Variants in TRIM23 observed in about 807,000 individuals in gnomAD.
TRIM23 encodes the protein E3 ubiquitin-protein ligase TRIM23.
A neutral mutation model predicts 71.0 loss-of-function variants in TRIM23; 27 were observed. The observed-to-expected ratio is 0.38, with a 90% CI of 0.28 to 0.52. TRIM23 has a LOEUF of 0.52. Among genes scored for constraint, TRIM23 ranks in the 20% least tolerant of loss-of-function variants. TRIM23 has a pLI of 0.84. For missense variants in TRIM23, 482 were observed against 692.3 expected, an observed-to-expected ratio of 0.70 and a Z score of 3.41; for synonymous variants, 234 against 238.0, an observed-to-expected ratio of 0.98 and a Z score of 0.16.
rs749848197 is a variant in TRIM23 at position 65,596,499 on chromosome 5, G to C, written c.1342C>G (p.Leu448Val). 1 of 1,610,482 alleles carries C rather than the reference G, an allele frequency of 6.2e-7. No individual in the cohort carries two copies. Among genetic ancestry groups the C allele is most frequent in the South Asian group, 1.1e-5 (1 of 90,918 alleles). The change falls in exon 9 of 11, where the codon CTA becomes GTA. Residue 448 changes from leucine to valine, a missense_variant. Coordinates refer to ENST00000231524, the MANE Select transcript of TRIM23 (RefSeq NM_001656.4). ...FNVETVEYKN[L>V]KFTIWDVGGK... ...CCTACATCCCAAATAGTGAATTTTAGATTTTTATATTCTACAGTTTCCACG... is the reference window on the plus strand; with the variant it reads ...CCTACATCCCAAATAGTGAATTTTACATTTTTATATTCTACAGTTTCCACG...
chr5:65,593,595 T>C (rs1754103339), intron 10 of TRIM23, among the ~76,000 whole-genome samples: 1 of 152,188 alleles, frequency 6.6e-6, no homozygotes, highest in African/African-American at 2.4e-5. Context: ...GAAAATTCTT[T>C]ATTCTTCATC....
intron 10 of TRIM23, among the ~76,000 whole-genome samples, chr5:65,592,886 T>G (rs1754084481): frequency 6.6e-6 from 1 of 152,220 alleles, no homozygotes; most frequent in Non-Finnish European, 1.5e-5. Context: ...GCAACATAAT[T>G]TAACCAGTCC....
At chr5:65,595,110 C>A (rs1341560784) in intron 9 of TRIM23, among the ~76,000 whole-genome samples, 1 of 152,092 alleles carries the variant, frequency 6.6e-6, no homozygotes, top group East Asian at 1.9e-4. Flanking sequence ...AACCATTCCT[C>A]ATATTCAAAA....
At chr5:65,607,201 T>C (rs1219786692) in intron 6 of TRIM23, 1 of 152,240 alleles carries the variant, frequency 6.6e-6, no homozygotes, top group Non-Finnish European at 1.5e-5. Flanking sequence ...TCTGTAGTTA[T>C]AAAATAGAAC....
chr5:65,612,429 T>C (rs896955221), intron 3 of TRIM23, among the ~76,000 whole-genome samples: 2 of 152,130 alleles, frequency 1.3e-5, no homozygotes, highest in South Asian at 2.1e-4. Flanking sequence ...CCTAGACTTG[T>C]ATATATTTTT....
At position 65,618,227 on chromosome 5, in the gene TRIM23, A is replaced by G. The variant is rs993312905; in HGVS notation, c.110T>C (p.Val37Ala). Reference sequence around the variant, plus strand: ...AACTTTGTCTCCTTGCAAAGAAAAGACATCTTCACAAACTCCACACTCTAG... The same window carrying G: ...AACTTTGTCTCCTTGCAAAGAAAAGGCATCTTCACAAACTCCACACTCTAG... Reference protein sequence around the residue: ...KVLECGVCEDVFSLQGDKVPR... With the variant: ...KVLECGVCEDAFSLQGDKVPR... Residue 37 changes from valine to alanine, a missense_variant, in exon 2 of 11, where the codon GTC becomes GCC. Physicochemically the swap from Val to Ala is moderately conservative, Grantham distance 64 (BLOSUM62 0). Around this residue, in one of 2 missense-constraint regions of TRIM23, gnomAD observed 175 missense variants for 196.5 expected, o/e 0.89. Transcript: ENST00000231524. 1 of 1,614,090 alleles carries G rather than the reference A, an allele frequency of 6.2e-7. No individual in the cohort carries two copies. The highest frequency in any genetic ancestry group is 8.5e-7 in the Non-Finnish European group (1 of 1,179,980).
chr5:65,621,335 G>A (rs398540), intron 1 of TRIM23, among the ~76,000 whole-genome samples: 94,331 of 152,066 alleles, frequency 0.62, 29,521 homozygotes, highest in South Asian at 0.65. Context: ...CTGGGCGACA[G>A]AGTGAGGCTC....
chr5:65,623,906 T>C (rs1755029785), intron 1 of TRIM23, among the ~76,000 whole-genome samples: 1 of 152,210 alleles, frequency 6.6e-6, no homozygotes. Flanking sequence ...TGAGTTTAAC[T>C]AAAAGCAGAG....
At position 65,611,786 on chromosome 5, in the gene TRIM23, A is replaced by T; in HGVS notation, c.462T>A (p.Thr154=). The change falls in exon 4 of 11, where the codon ACT becomes ACA. Residue 154 remains threonine (T), a synonymous_variant. Coordinates refer to ENST00000231524, the MANE Select transcript of TRIM23 (RefSeq NM_001656.4). ...THLCSECSQV[T]HSTKTLAKHR... ...GCTTTGCTAATGTCTTTGTAGAATG[A>T]GTAACTTGAGAACACTCAGAGCACA... 6.2e-7 allele frequency: 1 copy of T among 1,614,190 alleles called. No homozygotes were observed. Among genetic ancestry groups the T allele is most frequent in the Non-Finnish European group, 8.5e-7 (1 of 1,180,036 alleles).
chr5:65,609,707 G>A (rs2150634300), intron 5 of TRIM23, among the ~76,000 whole-genome samples: 1 of 152,256 alleles, frequency 6.6e-6, no homozygotes, highest in South Asian at 2.1e-4. Flanking sequence ...GCCAGCCTGG[G>A]TGACCGAGCG....
intron 6 of TRIM23, among the ~76,000 whole-genome samples, chr5:65,605,927 T>C (rs1052696757): frequency 9.2e-5 from 14 of 152,308 alleles, no homozygotes; most frequent in African/African-American, 3.4e-4. Flanking sequence ...AACAAATCCT[T>C]TTGAACATCC....
Position 65,590,636 on chromosome 5 carries a change from C to T in TRIM23, c.*1133G>A. 1 of 986,542 alleles carries T rather than the reference C, an allele frequency of 1.0e-6. No individual in the cohort carries two copies. The highest frequency in any genetic ancestry group is 1.2e-6 in the Non-Finnish European group (1 of 826,448). 61.1% of individuals were successfully genotyped at this position (986,542 alleles called of 1,614,324 possible). A position where few individuals can be genotyped will look rare whatever the true frequency, so the allele number is the denominator to read the frequency against. ...AAAATGAAAAACAGTAAAGAGCACACATTTTTATTTACTCACAACACTGAA... is the reference window on the plus strand; with the variant it reads ...AAAATGAAAAACAGTAAAGAGCACATATTTTTATTTACTCACAACACTGAA... On this transcript the variant is annotated 3_prime_UTR_variant, in exon 11 of 11. Coordinates refer to ENST00000231524, the MANE Select transcript of TRIM23 (RefSeq NM_001656.4).
intron 10 of TRIM23, among the ~76,000 whole-genome samples, chr5:65,593,252 C>T (rs154857): frequency 0.62 from 94,213 of 151,830 alleles, 29,485 homozygotes; most frequent in South Asian, 0.65. Flanking sequence ...CTGACCAACA[C>T]GATGAAACCC....
rs767585071 is a variant in TRIM23, at chr5:65,610,934, A to T, written c.755T>A (p.Val252Asp). ...EEISDYSRKL[V>D]GIVQHIEGGE... The stretch of plus-strand genomic sequence containing the variant: ...TCCTTCAATGTGCTGCACAATTCCA[A>T]CTAATTTTCTGGAATAATCTGAGAT... The change falls in exon 5 of 11, where the codon GTT becomes GAT. Residue 252 changes from valine to aspartate, a missense_variant. Val to Asp is a radical substitution (Grantham distance 152). Transcript: ENST00000231524. 6.2e-7 allele frequency: 1 copy of T among 1,613,788 alleles called. No individual in the cohort carries two copies. Among genetic ancestry groups the T allele is most frequent in the Non-Finnish European group, 8.5e-7 (1 of 1,179,832 alleles).
rs1753978995 is a variant in TRIM23 at position 65,590,146 on chromosome 5, T to C, written c.*1623A>G. 1 of 537,004 alleles carries C rather than the reference T, an allele frequency of 1.9e-6. No individual in the cohort carries two copies. Among genetic ancestry groups the C allele is most frequent in the African/African-American group, 2.0e-5 (1 of 50,996 alleles). 33.3% of individuals were successfully genotyped at this position (537,004 alleles called of 1,614,324 possible). ...GCAAGTTCACCTTAGTGTTACACTT[T>C]TTCTTCAATTAACTAGTAAACAGTT... is the stretch of plus-strand genomic sequence containing the variant. On this transcript the variant is annotated 3_prime_UTR_variant, in exon 11 of 11. Transcript: ENST00000231524.
intron 9 of TRIM23, among the ~76,000 whole-genome samples, chr5:65,594,929 C>G (rs1000080053): frequency 6.6e-6 from 1 of 152,190 alleles, no homozygotes; most frequent in Non-Finnish European, 1.5e-5. Flanking sequence ...TAACTTTTTA[C>G]ATAACGAATT....
In TRIM23 at chr5:65,597,585, A is replaced by G. The variant is rs2150623350; in HGVS notation, c.1180-405T>C. ...ATATCCCTCCAGACACTTTCCATGCACATACTGGCCAACATACACAAACAA... is the reference window on the plus strand; with the variant it reads ...ATATCCCTCCAGACACTTTCCATGCGCATACTGGCCAACATACACAAACAA... On this transcript the variant is annotated intron_variant, in intron 7 of 10. Coordinates refer to ENST00000231524, the MANE Select transcript of TRIM23 (RefSeq NM_001656.4). Among the ~76,000 whole-genome samples, 2 of 152,268 alleles carry G rather than the reference A, an allele frequency of 1.3e-5. 1 individual carries two copies. Among genetic ancestry groups the G allele is most frequent in the African/African-American group, 4.8e-5 (2 of 41,558 alleles).
chr5:65,621,022 C>A (rs464770), intron 1 of TRIM23, among the ~76,000 whole-genome samples: 94,028 of 151,510 alleles, frequency 0.62, 29,417 homozygotes, highest in South Asian at 0.65. Flanking sequence ...AGAGTGAGAA[C>A]CTGCCTCAAA....
In TRIM23 at chr5:65,611,001, T is replaced by C. The variant is rs1359591834; in HGVS notation, c.688A>G (p.Ile230Val). ...CGTATGCAGTGAGCCATATCTAAAA[T>C]TGATGCTCGGATCTGATTAGCTTCT... ...EPEANQIRAS[I>V]LDMAHCIRTF... The change falls in exon 5 of 11, where the codon ATT (isoleucine) becomes GTT (valine). Residue 230 changes from isoleucine to valine, a missense_variant. Ile to Val is a conservative substitution (Grantham distance 29, BLOSUM62 3). This residue lies in a region of TRIM23 where 307 missense variants were observed against 495.8 expected (regional missense o/e 0.62). Transcript: ENST00000231524. The C allele has an allele frequency of 4.3e-6, 7 of 1,613,386 alleles. No homozygotes were observed. The highest frequency in any genetic ancestry group is 1.3e-5 in the African/African-American group (1 of 74,894).
Sources: gnomAD v4.1 joint callset for allele counts (sites outside exome capture counted in the v4.1 genomes callset) on GRCh38, gnomAD v4.1.1 for gene constraint, gnomAD v4.1.1 regional missense constraint, MANE v1.5 for transcripts, NCBI Gene and HGNC (gene_info 2026-07-23, HGNC 2026-07-21) for gene names.